PRDM2: variants seen among roughly 807,000 people sequenced by gnomAD.
PRDM2 encodes PR domain zinc finger protein 2.
A neutral mutation model predicts 130.0 loss-of-function variants in PRDM2; 30 were observed. That is an observed-to-expected ratio of 0.23 (90% CI 0.17 to 0.31). The LOEUF is 0.31. PRDM2 is among the 10% of genes least tolerant of loss of function. The pLI, the probability that PRDM2 is intolerant of heterozygous loss-of-function variation, is 1.00. For missense variants in PRDM2, 2,011 were observed against 2,108.4 expected (o/e 0.95, Z 0.90); for synonymous variants, 871 against 782.4 (o/e 1.11, Z -1.89).
In PRDM2 at chr1:13,710,130, T is replaced by C. The variant is rs192486225; in HGVS notation, c.-65-5411T>C. On this transcript the variant is annotated intron_variant, in intron 1 of 9. Coordinates refer to ENST00000311066, the MANE Select transcript of PRDM2 (RefSeq NM_001393986.1). The stretch of plus-strand genomic sequence containing the variant: ...TTTACAAGTCCGTAAAGGGCAGATA[T>C]GAAGACAGTTTAAGTGTTACATGCA... Among the ~76,000 whole-genome samples, 392 of 152,386 alleles carry C rather than the reference T, an allele frequency of 2.6e-3. 3 individuals are homozygous for C. Among genetic ancestry groups the C allele is most frequent in the African/African-American group, 9.0e-3 (376 of 41,592 alleles).
At chr1:13,786,768 C>T in intron 8 of PRDM2, 1 of 1,354,782 alleles carries the variant, frequency 7.4e-7, no homozygotes, top group East Asian at 2.8e-5. Flanking sequence ...GAGAAGGGCA[C>T]TGTAAGACAG....
chr1:13,703,069 G>A (rs1051120523), intron 1 of PRDM2, among the ~76,000 whole-genome samples: 3 of 152,192 alleles, frequency 2.0e-5, no homozygotes, highest in African/African-American at 7.2e-5. Context: ...AGAGGCCTGG[G>A]GTGGTGGTCC....
chr1:13,812,013 C>T (rs567703468), intron 8 of PRDM2, among the ~76,000 whole-genome samples: 3 of 152,260 alleles, frequency 2.0e-5, no homozygotes, highest in African/African-American at 4.8e-5. Flanking sequence ...CTGGGAGGGT[C>T]GCAAGCAGGT....
At chr1:13,766,153 C>T (rs1644221788) in intron 6 of PRDM2, among the ~76,000 whole-genome samples, 1 of 152,176 alleles carries the variant, frequency 6.6e-6, no homozygotes, top group African/African-American at 2.4e-5. Context: ...ATAGTGAGTT[C>T]AACATCTACC....
At position 13,753,555 on chromosome 1, in the gene PRDM2, C is replaced by G. The variant is rs544073534; in HGVS notation, c.511+4068C>G. Among the ~76,000 whole-genome samples the G allele has an allele frequency of 3.3e-5, 5 of 152,120 alleles. No homozygotes were observed. The South Asian group carries it at 8.3e-4, about 25-fold the overall frequency. ...TATTTGAAATTCTTCTCTAAAGGTG[C>G]GAAATAACAAGCCTTTAGAAACTTA... On this transcript the variant is annotated intron_variant, in intron 6 of 9. Transcript: ENST00000311066.
chr1:13,749,646 C>T (rs948492468), intron 6 of PRDM2, among the ~76,000 whole-genome samples, 159 bp downstream of exon 6: 10 of 151,172 alleles, frequency 6.6e-5, no homozygotes, highest in African/African-American at 2.4e-4. Context: ...CTCGGCCCTG[C>T]CCCGGCCCCG....
chr1:13,751,315 A>T (rs184812477), intron 6 of PRDM2, among the ~76,000 whole-genome samples: 14 of 152,308 alleles, frequency 9.2e-5, no homozygotes, highest in Admixed American at 3.9e-4. Flanking sequence ...CCAGAATCCT[A>T]GGTTTTAATT....
At chr1:13,791,363 T>C (rs144071962) in intron 8 of PRDM2, among the ~76,000 whole-genome samples, 4 of 152,332 alleles carry the variant, frequency 2.6e-5, no homozygotes, top group Non-Finnish European at 5.9e-5. Context: ...TCAATCAAGC[T>C]GGCTTTTATA....
At chr1:13,784,623 A>G (rs1222121091) in intron 8 of PRDM2, among the ~76,000 whole-genome samples, 7 of 152,222 alleles carry the variant, frequency 4.6e-5, no homozygotes, top group South Asian at 2.1e-4. Context: ...CTTTAAGGCT[A>G]CAAAGGACTA....
chr1:13,743,105 A>T (rs1643495525), intron 5 of PRDM2, among the ~76,000 whole-genome samples: 1 of 152,168 alleles, frequency 6.6e-6, no homozygotes, highest in Non-Finnish European at 1.5e-5. Flanking sequence ...ACATTCTTTA[A>T]GAAGACAGAT....
At chr1:13,707,516 CT>C (rs1259682903) in intron 1 of PRDM2, among the ~76,000 whole-genome samples, 2 of 152,146 alleles carry the variant, frequency 1.3e-5, no homozygotes, top group Non-Finnish European at 2.9e-5. Context: ...TTTAATTTTC[CT>C]TTTATAAGTT....
intron 8 of PRDM2, among the ~76,000 whole-genome samples, chr1:13,794,123 G>A (rs1290258114): frequency 6.6e-6 from 1 of 152,234 alleles, no homozygotes; most frequent in Non-Finnish European, 1.5e-5. Flanking sequence ...ATGGTGAGGT[G>A]CAGGCCAGCA....
At position 13,751,525 on chromosome 1, in the gene PRDM2, C is replaced by CT. The variant is rs572259778; in HGVS notation, c.511+2053dup. On this transcript the variant is annotated intron_variant, in intron 6 of 9. Transcript: ENST00000311066. ...AGCTTGCAAAGACCTGAAATGGAGT[C>CT]TTTTTTTTTTTTTTTAATTAACTCA... 3.2e-3 allele frequency among the ~76,000 whole-genome samples: 416 copies of CT among 128,156 alleles called. 3 individuals are homozygous for CT. The highest frequency in any genetic ancestry group is 0.017 in the South Asian group (69 of 4,018). The allele number at this position is 128,156 out of a possible 152,430, so 84.1% of individuals were successfully genotyped here. A position where few individuals can be genotyped will look rare whatever the true frequency, so the allele number is the denominator to read the frequency against.
chr1:13,779,862 A>G lies in PRDM2; in HGVS notation c.2067A>G (p.Ser689=), dbSNP rs749969608. The stretch of plus-strand genomic sequence containing the variant: ...AAGAGAAAAGTGTTTATTTGTCATC[A>G]AAGCTCAAACAACTTCTTCAAACCC... ...FHKEKSVYLS[S]KLKQLLQTQD... is the part of the protein sequence containing the mutation. Residue 689 remains serine, a synonymous_variant, in exon 8 of 10, where the codon TCA becomes TCG. Coordinates refer to ENST00000311066, the MANE Select transcript of PRDM2 (RefSeq NM_001393986.1). The surrounding 1 kb of genome is among the most constrained non-coding windows in gnomAD (Gnocchi z 4.9). The G allele has an allele frequency of 2.5e-6, 4 of 1,613,464 alleles. No homozygotes were observed. The East Asian group carries it at 6.7e-5, about 27-fold the overall frequency.
chr1:13,798,387 T>C (rs1644955250), intron 8 of PRDM2, among the ~76,000 whole-genome samples: 1 of 152,152 alleles, frequency 6.6e-6, no homozygotes, highest in Non-Finnish European at 1.5e-5. Context: ...AAAAGGCTGG[T>C]GATAGCTAAT....
At chr1:13,791,178 ATAAAAGC>A (rs1433910402) in intron 8 of PRDM2, among the ~76,000 whole-genome samples, 1 of 151,986 alleles carries the variant, frequency 6.6e-6, no homozygotes, top group Non-Finnish European at 1.5e-5. Flanking sequence ...TACCTTCTCC[ATAAAAGC>A]TTTTCCAAGC....
At chr1:13,776,915 C>T (rs1466031915) in intron 7 of PRDM2, among the ~76,000 whole-genome samples, 1 of 152,146 alleles carries the variant, frequency 6.6e-6, no homozygotes, top group Non-Finnish European at 1.5e-5. Context: ...TAAATACCTT[C>T]TCTGGCCTTC....
chr1:13,786,461 A>G lies in PRDM2; in HGVS notation c.5036+3630A>G, dbSNP rs376557963. 5.2e-5 allele frequency: 83 copies of G among 1,592,934 alleles called. No homozygotes were observed. In the African/African-American group the frequency reaches 6.0e-4, roughly 12 times the overall value. On this transcript the variant is annotated intron_variant, in intron 8 of 9. Coordinates refer to ENST00000311066, the MANE Select transcript of PRDM2 (RefSeq NM_001393986.1). Reference sequence around the variant, plus strand: ...TTCACCTTTTTCTTTAACATGGTCAATCATGTAAGGTTATGTTCTGTTGTC... The same window carrying G: ...TTCACCTTTTTCTTTAACATGGTCAGTCATGTAAGGTTATGTTCTGTTGTC...
intron 8 of PRDM2, among the ~76,000 whole-genome samples, chr1:13,793,196 A>T (rs1340202575): frequency 6.6e-6 from 1 of 152,234 alleles, no homozygotes; most frequent in Non-Finnish European, 1.5e-5. Context: ...CTGCCCACAG[A>T]GTGACCAGCT....
Sources: gnomAD v4.1 joint callset for allele counts (sites outside exome capture counted in the v4.1 genomes callset) on GRCh38, gnomAD v4.1.1 for gene constraint, Gnocchi (gnomAD v3.1) non-coding constraint, MANE v1.5 for transcripts, NCBI Gene and HGNC (gene_info 2026-07-23, HGNC 2026-07-21) for gene names.